DCDC1: variants seen among roughly 807,000 people sequenced by gnomAD.
DCDC1 encodes doublecortin domain-containing protein 1.
Under a neutral mutation model 178.3 loss-of-function variants are expected in DCDC1, and 200 were observed. The ratio of observed to expected loss-of-function variants is 1.12; its 90% CI spans 1.00 to 1.26. The LOEUF (loss-of-function observed/expected upper bound fraction) is 1.26, where lower values mean the gene tolerates loss of function less well. DCDC1 is among the 50% of genes most tolerant of loss of function. The probability of loss-of-function intolerance (pLI) is 0.00; values close to 1 mark genes in which losing one functional copy is unlikely to be tolerated. For missense variants in DCDC1, 1,983 were observed against 1,749.2 expected, an observed-to-expected ratio of 1.13 and a Z score of -2.38; for synonymous variants, 690 against 604.8, an observed-to-expected ratio of 1.14 and a Z score of -2.07.
chr11:30,911,445 T>C (rs1418205372), intron 27 of DCDC1, 25 bp from the exon 28 acceptor site: 3 of 1,560,958 alleles, frequency 1.9e-6, no homozygotes, highest in Middle Eastern at 1.7e-4. Context: ...ATTAGCCACA[T>C]TACAAAGTAG....
At chr11:31,151,217 C>G (rs1205199502) in intron 9 of DCDC1, among the ~76,000 whole-genome samples, 1 of 152,080 alleles carries the variant, frequency 6.6e-6, no homozygotes, top group Non-Finnish European at 1.5e-5. Context: ...ACTTCAGCCG[C>G]TTATGATTTT....
intron 9 of DCDC1, among the ~76,000 whole-genome samples, chr11:31,152,122 G>C (rs1001183294): frequency 3.3e-5 from 5 of 152,000 alleles, no homozygotes; most frequent in South Asian, 2.1e-4. Context: ...CATTCAACCT[G>C]GTTCAATTTT....
chr11:31,092,434 C>G (rs1461774920), intron 16 of DCDC1, among the ~76,000 whole-genome samples: 1 of 152,198 alleles, frequency 6.6e-6, no homozygotes, highest in Non-Finnish European at 1.5e-5. Flanking sequence ...TAAGCACTTT[C>G]TGTATACCAG....
intron 9 of DCDC1, among the ~76,000 whole-genome samples, chr11:31,225,666 A>T: frequency 6.7e-6 from 1 of 149,146 alleles, no homozygotes. Flanking sequence ...GGTTACCTCT[A>T]GAGAGGAAGC....
intron 18 of DCDC1, among the ~76,000 whole-genome samples, chr11:31,065,615 C>G (rs530233889): frequency 5.9e-5 from 9 of 152,252 alleles, no homozygotes; most frequent in South Asian, 2.1e-4. Context: ...TGAGAAGTGT[C>G]AGACACAAGG....
At chr11:31,176,750 CA>C (rs1418911444) in intron 9 of DCDC1, among the ~76,000 whole-genome samples, 2 of 151,986 alleles carry the variant, frequency 1.3e-5, no homozygotes, top group African/African-American at 4.8e-5. Flanking sequence ...ATAATACATT[CA>C]AAGTTCTGAA....
intron 38 of DCDC1, among the ~76,000 whole-genome samples, chr11:30,870,436 A>G (rs143411137): frequency 1.8e-3 from 271 of 152,334 alleles, no homozygotes; most frequent in Non-Finnish European, 2.1e-3. Context: ...ATATTTTAAC[A>G]TTAGGAAAGC....
At chr11:31,174,456 G>A (rs938206956) in intron 9 of DCDC1, among the ~76,000 whole-genome samples, 5 of 152,186 alleles carry the variant, frequency 3.3e-5, no homozygotes, top group Admixed American at 3.3e-4. Context: ...CTCGGTGCTG[G>A]CCGGCAGGCA....
chr11:31,024,970 C>T (rs1953128331), intron 20 of DCDC1, among the ~76,000 whole-genome samples: 2 of 151,894 alleles, frequency 1.3e-5, no homozygotes, highest in South Asian at 2.1e-4. Flanking sequence ...CTGTTATAAA[C>T]TTCTAGTATC....
At chr11:31,200,174 G>C (rs1971123186) in intron 9 of DCDC1, among the ~76,000 whole-genome samples, 2 of 151,876 alleles carry the variant, frequency 1.3e-5, no homozygotes, top group South Asian at 4.1e-4. Context: ...ATCAAAAGGG[G>C]AATTTTAATT....
At chr11:31,346,524 A>G (rs1193304684) in intron 1 of DCDC1, among the ~76,000 whole-genome samples, 1 of 151,724 alleles carries the variant, frequency 6.6e-6, no homozygotes, top group Non-Finnish European at 1.5e-5. Context: ...CATAAATATT[A>G]TTTAGTTCCT....
At chr11:30,898,992 A>C (rs1944447604) in intron 34 of DCDC1, among the ~76,000 whole-genome samples, 1 of 152,188 alleles carries the variant, frequency 6.6e-6, no homozygotes, top group African/African-American at 2.4e-5. Flanking sequence ...GAATGGAAGA[A>C]GGAGACCAAT....
chr11:30,895,575 C>G (rs1944140305), intron 34 of DCDC1, among the ~76,000 whole-genome samples: 1 of 152,108 alleles, frequency 6.6e-6, no homozygotes, highest in Non-Finnish European at 1.5e-5. Context: ...GCTCTTCTAG[C>G]TCAAGTTTAT....
intron 9 of DCDC1, among the ~76,000 whole-genome samples, chr11:31,198,790 C>G (rs1970976180): frequency 6.6e-6 from 1 of 152,004 alleles, no homozygotes; most frequent in African/African-American, 2.4e-5. Context: ...ATTTTCATTA[C>G]TCTTCACACC....
At chr11:30,884,969 G>A (rs1943035453) in intron 36 of DCDC1, among the ~76,000 whole-genome samples, 1 of 151,844 alleles carries the variant, frequency 6.6e-6, no homozygotes, top group Admixed American at 6.6e-5. Flanking sequence ...AAAATCAACA[G>A]GCAAGAATAT....
chr11:31,274,400 T>G (rs1334583535), intron 7 of DCDC1, among the ~76,000 whole-genome samples: 56 of 152,278 alleles, frequency 3.7e-4, no homozygotes, highest in Non-Finnish European at 4.4e-5. Flanking sequence ...AGTCTAGTGC[T>G]GGATAAAGAC....
intron 9 of DCDC1, among the ~76,000 whole-genome samples, chr11:31,178,079 C>T (rs1290485270): frequency 1.3e-5 from 2 of 152,168 alleles, no homozygotes; most frequent in Non-Finnish European, 2.9e-5. Context: ...GCAGAATATA[C>T]ATTTGTCTCA....
intron 20 of DCDC1, among the ~76,000 whole-genome samples, chr11:31,049,971 C>A (rs984515783): frequency 2.0e-5 from 3 of 152,170 alleles, no homozygotes; most frequent in African/African-American, 7.2e-5. Flanking sequence ...AGCTGAACTT[C>A]GTAAAAATTT....
At position 31,311,867 on chromosome 11, in the gene DCDC1, T is replaced by C. The variant is rs557093499; in HGVS notation, c.165-3959A>G. ...TATCTCCTATGTCCCTATAAAAATA[T>C]GTTGGTAAGAGTCACAGCTGTTTCC... On this transcript the variant is annotated intron_variant, in intron 3 of 38. Transcript: ENST00000684477. Among the ~76,000 whole-genome samples the C allele has an allele frequency of 3.9e-5, 6 of 152,312 alleles. No individual in the cohort carries two copies. In the South Asian group the frequency reaches 1.2e-3, roughly 32 times the overall value.
Sources: allele counts gnomAD v4.1 joint callset (sites outside exome capture counted in the v4.1 genomes callset), GRCh38; gene constraint gnomAD v4.1.1; transcripts MANE v1.5; gene names NCBI Gene and HGNC (gene_info 2026-07-23, HGNC 2026-07-21).